TRAM1: variants seen among roughly 807,000 people sequenced by gnomAD.
TRAM1 encodes translocating chain-associated membrane protein 1.
Under a neutral mutation model 48.7 loss-of-function variants are expected in TRAM1, and 17 were observed. The ratio of observed to expected loss-of-function variants is 0.35; its 90% CI spans 0.24 to 0.52. TRAM1 has a LOEUF of 0.52. Ranked by LOEUF, TRAM1 falls within the 20% of genes least tolerant of loss-of-function variation. The probability of loss-of-function intolerance (pLI) is 0.94; values close to 1 mark genes in which losing one functional copy is unlikely to be tolerated. For synonymous variants in TRAM1, 182 were observed against 154.0 expected (o/e 1.18, Z -1.34); for missense variants, 351 against 441.5 (o/e 0.79, Z 1.84).
chr8:70,580,118 C>T (rs62531707), intron 10 of TRAM1, among the ~76,000 whole-genome samples: 7,652 of 152,238 alleles, frequency 0.05, 271 homozygotes, highest in Non-Finnish European at 0.083. Flanking sequence ...AACAACTCTT[C>T]CATTGCTTCT....
In TRAM1 at chr8:70,574,697, T is replaced by A; in HGVS notation, c.*235A>T. ...AAAATAAAAACAAAATAAAATATGGTGGTGGTCCCTAAACTATTTTGAAGG... is the reference window on the plus strand; with the variant it reads ...AAAATAAAAACAAAATAAAATATGGAGGTGGTCCCTAAACTATTTTGAAGG... On this transcript the variant is annotated 3_prime_UTR_variant, in exon 11 of 11. Coordinates refer to ENST00000262213, the MANE Select transcript of TRAM1 (RefSeq NM_014294.6). 1.7e-5 allele frequency: 6 copies of A among 363,240 alleles called. No individual in the cohort carries two copies. The South Asian group carries it at 2.9e-4, about 18-fold the overall frequency. The allele number at this position is 363,240 out of a possible 1,614,324, so 22.5% of individuals were successfully genotyped here.
chr8:70,579,215 A>G (rs1056865188), intron 10 of TRAM1, among the ~76,000 whole-genome samples: 1 of 152,246 alleles, frequency 6.6e-6, no homozygotes, highest in Non-Finnish European at 1.5e-5. Context: ...CCCAGGCTAT[A>G]TGGTATAGCC....
chr8:70,600,184 C>A, intron 1 of TRAM1, 102 bp from the exon 2 acceptor site: 2 of 839,180 alleles, frequency 2.4e-6, no homozygotes, highest in East Asian at 2.6e-5. Flanking sequence ...ATCGAAGCAC[C>A]AAGGGCCTCC....
chr8:70,589,994 A>G (rs2132034336), intron 6 of TRAM1, among the ~76,000 whole-genome samples: 1 of 152,328 alleles, frequency 6.6e-6, no homozygotes, highest in South Asian at 2.1e-4. Flanking sequence ...AAATATTGCC[A>G]TATTCTTTCA....
intron 3 of TRAM1, 25 bp downstream of exon 3, chr8:70,598,109 T>C (rs370159208): frequency 5.0e-6 from 8 of 1,601,764 alleles, no homozygotes; most frequent in East Asian, 4.5e-5. Context: ...TTATAAAGTA[T>C]AGATTTCTAA....
At position 70,598,169 on chromosome 8, in the gene TRAM1, T is replaced by C. The variant is rs746220808; in HGVS notation, c.274A>G (p.Ile92Val). ...TACTCTTGAATTACGGCATGAATAATTATCGCCACTAGCATGTAGAAGAAA... is the reference window on the plus strand; with the variant it reads ...TACTCTTGAATTACGGCATGAATAACTATCGCCACTAGCATGTAGAAGAAA... ...TVFFYMLVAI[I>V]IHAVIQEYML... Residue 92 changes from isoleucine to valine, a missense_variant, in exon 3 of 11, where the codon ATT becomes GTT. By Grantham distance (29) the Ile-to-Val change is conservative (BLOSUM62 3). Transcript: ENST00000262213. The C allele has an allele frequency of 1.2e-6, 2 of 1,613,218 alleles. No individual in the cohort carries two copies. Among genetic ancestry groups the C allele is most frequent in the East Asian group, 2.2e-5 (1 of 44,744 alleles).
intron 5 of TRAM1, among the ~76,000 whole-genome samples, chr8:70,595,809 C>A (rs1021321574): frequency 1.3e-5 from 2 of 152,146 alleles, no homozygotes; most frequent in African/African-American, 4.8e-5. Flanking sequence ...TCTTGGTAAC[C>A]ACTGAGCACT....
At chr8:70,577,550 A>C (rs913124865) in intron 10 of TRAM1, among the ~76,000 whole-genome samples, 19 of 152,186 alleles carry the variant, frequency 1.2e-4, no homozygotes, top group Non-Finnish European at 2.2e-4. Context: ...TCTGCCTCTC[A>C]ATGAACCTCC....
intron 10 of TRAM1, among the ~76,000 whole-genome samples, chr8:70,580,196 T>G (rs1299932359): frequency 6.6e-6 from 1 of 152,134 alleles, no homozygotes; most frequent in Non-Finnish European, 1.5e-5. Context: ...CACTCCCCAG[T>G]TCATTCTATG....
intron 10 of TRAM1, among the ~76,000 whole-genome samples, chr8:70,578,611 C>A (rs935876985): frequency 6.6e-6 from 1 of 152,110 alleles, no homozygotes; most frequent in Admixed American, 6.5e-5. Context: ...CCAGCCTGGG[C>A]GACAGAGCAA....
At chr8:70,580,923 T>G (rs1447197104) in intron 10 of TRAM1, among the ~76,000 whole-genome samples, 1 of 152,182 alleles carries the variant, frequency 6.6e-6, no homozygotes, top group Admixed American at 6.5e-5. Context: ...AGGATTAAAT[T>G]TAATGAACTG....
chr8:70,589,680 T>C (rs1817306458), intron 6 of TRAM1, among the ~76,000 whole-genome samples: 1 of 151,832 alleles, frequency 6.6e-6, no homozygotes, highest in South Asian at 2.1e-4. Context: ...TCTAAAAAAA[T>C]ACAAAAAATT....
chr8:70,598,237 G>T lies in TRAM1; in HGVS notation c.206C>A (p.Ser69Ter). 2 of 1,609,518 alleles carry T rather than the reference G, an allele frequency of 1.2e-6. No homozygotes were observed. Among genetic ancestry groups the T allele is most frequent in the South Asian group, 2.2e-5 (2 of 90,256 alleles). The change falls in exon 3 of 11, where the codon TCA becomes TAA. Residue 69 changes from serine to a stop codon, truncating the protein, a stop_gained. Coordinates refer to ENST00000262213, the MANE Select transcript of TRAM1 (RefSeq NM_014294.6). LOFTEE classifies it high-confidence loss of function. ...LPATEEQATE[S>*]VSLYYYGIKD... ...GATGCCATAGTAATAAAGGGACACT[G>T]ATTCAGTAGCTTGTTCTTCTGAAGA...
intron 10 of TRAM1, among the ~76,000 whole-genome samples, chr8:70,576,309 A>G (rs1816952411): frequency 1.3e-5 from 2 of 152,164 alleles, no homozygotes; most frequent in South Asian, 4.1e-4. Flanking sequence ...TCCAGAAAAG[A>G]GACAACTAGG....
intron 1 of TRAM1, among the ~76,000 whole-genome samples, chr8:70,604,233 T>C (rs899667915): frequency 8.8e-5 from 2 of 22,726 alleles, no homozygotes; most frequent in African/African-American, 8.1e-4. Context: ...TGCAATGTCA[T>C]AAATACAACA....
At chr8:70,602,616 G>C (rs1400915386) in intron 1 of TRAM1, among the ~76,000 whole-genome samples, 1 of 152,162 alleles carries the variant, frequency 6.6e-6, no homozygotes, top group Admixed American at 6.5e-5. Flanking sequence ...CACATATTAA[G>C]CATAATGGGG....
rs577895936 is a variant in TRAM1 at position 70,602,966 on chromosome 8, T to C, written c.124-2884A>G. On this transcript the variant is annotated intron_variant, in intron 1 of 10. Transcript: ENST00000262213. ...CGTAGGTTGTAGCTGAACTCTGTTATCCTAGAATTCAGGAAGTGGAAGAAG... is the reference window on the plus strand; with the variant it reads ...CGTAGGTTGTAGCTGAACTCTGTTACCCTAGAATTCAGGAAGTGGAAGAAG... 1.2e-4 allele frequency among the ~76,000 whole-genome samples: 18 copies of C among 152,286 alleles called. No homozygotes were observed. In the South Asian group the frequency reaches 2.9e-3, roughly 25 times the overall value.
chr8:70,597,668 CAAAAAAAAAAA>C (rs35449323), intron 4 of TRAM1, among the ~76,000 whole-genome samples: 2 of 36,008 alleles, frequency 5.6e-5, no homozygotes, highest in South Asian at 1.7e-3. Context: ...GACTCTGTCT[CAAAAAAAAAAA>C]AAAAAAAAAA....
chr8:70,589,895 A>C (rs1303029840), intron 6 of TRAM1, among the ~76,000 whole-genome samples: 1 of 152,170 alleles, frequency 6.6e-6, no homozygotes, highest in Non-Finnish European at 1.5e-5. Context: ...TATTTAATAT[A>C]CCTTAATAAT....
Sources: gnomAD v4.1 joint callset for allele counts (sites outside exome capture counted in the v4.1 genomes callset) on GRCh38, gnomAD v4.1.1 for gene constraint, MANE v1.5 for transcripts, NCBI Gene and HGNC (gene_info 2026-07-23, HGNC 2026-07-21) for gene names.